The following SWAP70 variants were observed in gnomAD, a reference collection of about 807,000 sequenced individuals.
SWAP70 encodes switching B cell complex subunit SWAP70, also known as switch-associated protein 70.
SWAP70 carries 34 observed loss-of-function variants against 80.2 expected under a neutral mutation model. That is an observed-to-expected ratio of 0.42 (90% confidence interval 0.32 to 0.56). The LOEUF (loss-of-function observed/expected upper bound fraction) is 0.56. Among genes scored for constraint, SWAP70 ranks in the 20% least tolerant of loss-of-function variants. SWAP70 has a pLI of 0.09. For synonymous variants in SWAP70, 239 were observed against 238.5 expected (o/e 1.00, Z -0.02); for missense variants, 578 against 690.7 (o/e 0.84, Z 1.83).
intron 9 of SWAP70, among the ~76,000 whole-genome samples, chr11:9,746,619 G>T (rs901145957): frequency 1.3e-5 from 2 of 152,200 alleles, no homozygotes; most frequent in Non-Finnish European, 2.9e-5. Context: ...GGCTGGAGGT[G>T]GTCTTCTTGG....
At chr11:9,675,160 C>T (rs1164855253) in intron 1 of SWAP70, among the ~76,000 whole-genome samples, 1 of 151,782 alleles carries the variant, frequency 6.6e-6, no homozygotes, top group Non-Finnish European at 1.5e-5. Context: ...TGGTGGCACA[C>T]GCCTGTAGTC....
chr11:9,671,414 ATT>A (rs1197747617), intron 1 of SWAP70, among the ~76,000 whole-genome samples: 6 of 98,680 alleles, frequency 6.1e-5, no homozygotes, highest in Non-Finnish European at 1.0e-4. Context: ...ATAAAAATAT[ATT>A]TATAAATATA....
intron 1 of SWAP70, among the ~76,000 whole-genome samples, chr11:9,669,041 G>A (rs555185312): frequency 6.6e-6 from 1 of 152,294 alleles, no homozygotes; most frequent in South Asian, 2.1e-4. Context: ...CATAAAGTCT[G>A]GTGGTGAAGG....
chr11:9,712,736 T>C (rs980137213), intron 2 of SWAP70, among the ~76,000 whole-genome samples: 6 of 59,990 alleles, frequency 1.0e-4, no homozygotes, highest in African/African-American at 4.1e-4. Context: ...ATCTTCTTCC[T>C]TTTTTTTTTT....
intron 1 of SWAP70, among the ~76,000 whole-genome samples, chr11:9,680,033 T>C (rs758046932): frequency 6.6e-6 from 1 of 152,234 alleles, no homozygotes; most frequent in South Asian, 2.1e-4. Flanking sequence ...AGAAATTCTT[T>C]CTTATTTTCT....
chr11:9,725,553 ATATATATATATATATATTT>A (rs1468720353), intron 4 of SWAP70, among the ~76,000 whole-genome samples: 11 of 21,582 alleles, frequency 5.1e-4, no homozygotes, highest in Non-Finnish European at 1.1e-3. Flanking sequence ...ATATATATAT[ATATATATATATATATATTT>A]TTTTTTTTTT....
intron 3 of SWAP70, among the ~76,000 whole-genome samples, chr11:9,723,601 G>A (rs993131207): frequency 6.6e-6 from 1 of 152,068 alleles, no homozygotes; most frequent in African/African-American, 2.4e-5. Context: ...ATAATACAGC[G>A]GGGAAGCCAT....
At chr11:9,746,269 A>G (rs1178044787) in intron 9 of SWAP70, among the ~76,000 whole-genome samples, 1 of 152,056 alleles carries the variant, frequency 6.6e-6, no homozygotes, top group African/African-American at 2.4e-5. Flanking sequence ...ACCTTCCATC[A>G]AGTCTTCTAC....
At chr11:9,732,179 G>T (rs1342917116) in intron 6 of SWAP70, among the ~76,000 whole-genome samples, 4 of 152,114 alleles carry the variant, frequency 2.6e-5, no homozygotes, top group Admixed American at 1.3e-4. Context: ...CGAAAGTATT[G>T]TCATTAGTTC....
intron 2 of SWAP70, among the ~76,000 whole-genome samples, chr11:9,707,096 A>G (rs1485402198): frequency 3.3e-5 from 5 of 152,180 alleles, no homozygotes; most frequent in Non-Finnish European, 7.4e-5. Context: ...CTTGTGTGAA[A>G]ACACTTGAAT....
chr11:9,680,326 T>C (rs897035979), intron 1 of SWAP70, among the ~76,000 whole-genome samples: 1 of 152,214 alleles, frequency 6.6e-6, no homozygotes, highest in Non-Finnish European at 1.5e-5. Context: ...GCTTGAAAAT[T>C]CATGAGCCTG....
intron 1 of SWAP70, among the ~76,000 whole-genome samples, chr11:9,693,822 TC>T (rs543779988): frequency 6.7e-4 from 101 of 150,720 alleles, no homozygotes; most frequent in Middle Eastern, 3.4e-3. Context: ...CTCTTAGACT[TC>T]CCCCCCCACC....
At chr11:9,717,659 C>CAAA (rs3049795) in intron 3 of SWAP70, among the ~76,000 whole-genome samples, 28,318 of 115,160 alleles carry the variant, frequency 0.25, 3,504 homozygotes, top group Non-Finnish European at 0.32. Flanking sequence ...GACCTTGTCT[C>CAAA]AAAAAAAAAA....
At chr11:9,674,846 G>C (rs1012623585) in intron 1 of SWAP70, among the ~76,000 whole-genome samples, 1 of 152,120 alleles carries the variant, frequency 6.6e-6, no homozygotes. Context: ...GCGGGCGGCT[G>C]TAGTCCCAGC....
intron 2 of SWAP70, among the ~76,000 whole-genome samples, chr11:9,704,488 G>A (rs1344477107): frequency 3.3e-5 from 5 of 151,886 alleles, no homozygotes; most frequent in Non-Finnish European, 5.9e-5. Context: ...TCCACCTCCC[G>A]GGTTCAAGTG....
chr11:9,690,246 G>A (rs962277942), intron 1 of SWAP70, among the ~76,000 whole-genome samples: 1 of 151,952 alleles, frequency 6.6e-6, no homozygotes. Context: ...TTTATATTCC[G>A]GCCATCAAAA....
At chr11:9,681,420 T>A (rs1421988599) in intron 1 of SWAP70, among the ~76,000 whole-genome samples, 2 of 152,246 alleles carry the variant, frequency 1.3e-5, no homozygotes, top group African/African-American at 4.8e-5. Flanking sequence ...TGACTGACAG[T>A]CTGTCTTAGA....
Position 9,747,652 on chromosome 11 carries a change from A to G in SWAP70, c.1356-206A>G, listed in dbSNP as rs574481839. On this transcript the variant is annotated intron_variant, in intron 9 of 11. Transcript: ENST00000318950. ...TATTTTTTATTTCACAAACGGGTGA[A>G]ACTGAGAGAGCTTAGAGCAGGACAT... Among the ~76,000 whole-genome samples the G allele has an allele frequency of 1.1e-3, 173 of 152,364 alleles. 4 individuals carry two copies. The South Asian group carries it at 0.034, about 30-fold the overall frequency.
chr11:9,742,932 G>A (rs1851460855), intron 9 of SWAP70, among the ~76,000 whole-genome samples: 1 of 147,308 alleles, frequency 6.8e-6, no homozygotes, highest in Non-Finnish European at 1.5e-5. Context: ...AAGTTTTAGG[G>A]TACATGTGCA....
Sources: gnomAD v4.1 joint callset for allele counts (sites outside exome capture counted in the v4.1 genomes callset) on GRCh38, gnomAD v4.1.1 for gene constraint, MANE v1.5 for transcripts, NCBI Gene and HGNC (gene_info 2026-07-23, HGNC 2026-07-21) for gene names.